The following ATXN2L variants were observed in gnomAD, a reference collection of about 807,000 sequenced individuals.
ATXN2L encodes ataxin 2 like.
Under a neutral mutation model 120.7 loss-of-function variants are expected in ATXN2L, and 24 were observed. That is an observed-to-expected ratio of 0.20 (90% confidence interval 0.14 to 0.28). The LOEUF is 0.28. ATXN2L is among the 10% of genes least tolerant of loss of function. ATXN2L has a pLI of 1.00. For missense variants in ATXN2L, 1,312 were observed against 1,432.3 expected, an observed-to-expected ratio of 0.92 and a Z score of 1.36; for synonymous variants, 653 against 568.1, an observed-to-expected ratio of 1.15 and a Z score of -2.13.
chr16:28,835,566 C>T lies in ATXN2L; in HGVS notation c.2703C>T (p.Ala901=), dbSNP rs376630340. 12 of 1,613,666 alleles carry T rather than the reference C, an allele frequency of 7.4e-6. No individual in the cohort carries two copies. In the African/African-American group the frequency reaches 1.1e-4, roughly 14 times the overall value. ...CCCAGCAGCATCAGGCGGGGCAGGCCCCACACTTGGGCAGTGGACAGCCAC... is the reference window on the plus strand; with the variant it reads ...CCCAGCAGCATCAGGCGGGGCAGGCTCCACACTTGGGCAGTGGACAGCCAC... ...PSPVQHQAGQ[A]PHLGSGQPQQ... Residue 901 remains alanine (A), a synonymous_variant, in exon 21 of 22, where the codon GCC becomes GCT. Coordinates refer to ENST00000336783, the MANE Select transcript of ATXN2L (RefSeq NM_007245.4).
Position 28,829,948 on chromosome 16 carries a change from G to T in ATXN2L, c.924G>T (p.Gln308His), listed in dbSNP as rs375741616. The T allele has an allele frequency of 4.3e-6, 7 of 1,614,222 alleles. No individual in the cohort carries two copies. The South Asian group carries it at 6.6e-5, about 15-fold the overall frequency. ...QLAREIESSP[Q>H]YRLRIAMEND... is the part of the protein sequence containing the mutation. ...CTCGAGAGATTGAATCAAGCCCCCAGTACCGCCTACGGATCGCCATGGAGA... is the reference window on the plus strand; with the variant it reads ...CTCGAGAGATTGAATCAAGCCCCCATTACCGCCTACGGATCGCCATGGAGA... The change falls in exon 8 of 22, where the codon CAG becomes CAT. Residue 308 changes from glutamine to histidine, a missense_variant. Physicochemically the swap from Gln to His is conservative, Grantham distance 24. Coordinates refer to ENST00000336783, the MANE Select transcript of ATXN2L (RefSeq NM_007245.4).
Position 28,836,245 on chromosome 16 carries a change from C to T in ATXN2L, c.3208C>T (p.Arg1070Trp), listed in dbSNP as rs748027494. The T allele has an allele frequency of 2.4e-5, 39 of 1,612,758 alleles. No individual in the cohort carries two copies. Among genetic ancestry groups the T allele is most frequent in the African/African-American group, 4.0e-5 (3 of 74,856 alleles). Residue 1070 changes from arginine to tryptophan, a missense_variant, in exon 22 of 22, where the codon CGG (arginine) becomes TGG (tryptophan). Arg to Trp is a moderately radical substitution (Grantham distance 101, BLOSUM62 -3). Coordinates refer to ENST00000336783, the MANE Select transcript of ATXN2L (RefSeq NM_007245.4). Reference protein sequence around the residue: ...AEGLQVGQDARVLGGE With the variant: ...AEGLQVGQDAWVLGGE ...GGGGCTGCAGGTGGGGCAGGATGCA[C>T]GGGTTCTGGGTGGGGAGTGAGGGGT...
chr16:28,836,932 C>T lies in ATXN2L; in HGVS notation c.*667C>T, dbSNP rs746416800. ...GCCAAGCACCTTGAATGGGAGGGGC[C>T]TCACAGAGGGCAGGGCCAGGGTCCA... On this transcript the variant is annotated 3_prime_UTR_variant, in exon 22 of 22. Transcript: ENST00000336783. The T allele has an allele frequency of 2.2e-5, 18 of 810,220 alleles. No individual in the cohort carries two copies. Among genetic ancestry groups the T allele is most frequent in the Admixed American group, 4.7e-5 (2 of 42,482 alleles). 50.2% of individuals were successfully genotyped at this position (810,220 alleles called of 1,614,324 possible).
chr16:28,824,101 C>T (rs1049567725), intron 1 of ATXN2L: 4 of 1,014,620 alleles, frequency 3.9e-6, no homozygotes, highest in Admixed American at 6.1e-5. Flanking sequence ...GGAGGGATGA[C>T]TGGGAGGACT....
In ATXN2L at chr16:28,836,426, C is replaced by T; in HGVS notation, c.*161C>T. 3.7e-6 allele frequency: 6 copies of T among 1,613,462 alleles called. No individual in the cohort carries two copies. The highest frequency in any genetic ancestry group is 5.1e-6 in the Non-Finnish European group (6 of 1,179,946). On this transcript the variant is annotated 3_prime_UTR_variant, in exon 22 of 22. Transcript: ENST00000336783. ...CCTCGCTCAGTTGTGATCCAGCAGCCCCCCTCCCCACTGCCTCCCCAGCTC... is the reference window on the plus strand; with the variant it reads ...CCTCGCTCAGTTGTGATCCAGCAGCTCCCCTCCCCACTGCCTCCCCAGCTC...
In ATXN2L at chr16:28,830,065, G is replaced by A; in HGVS notation, c.1034+7G>A. On this transcript the variant is annotated splice_region_variant and intron_variant, in intron 8 of 21. Coordinates refer to ENST00000336783, the MANE Select transcript of ATXN2L (RefSeq NM_007245.4). ...GCCCCAGCTTGGCATCCAGGTGACT[G>A]TTGCAAACAGCCAGGACTACTTGGG... 6.2e-7 allele frequency: 1 copy of A among 1,607,198 alleles called. No homozygotes were observed. The highest frequency in any genetic ancestry group is 2.2e-5 in the East Asian group (1 of 44,656).
At chr16:28,831,557 T>C (rs1474531073) in intron 10 of ATXN2L, among the ~76,000 whole-genome samples, 1 of 152,138 alleles carries the variant, frequency 6.6e-6, no homozygotes, top group Non-Finnish European at 1.5e-5. Flanking sequence ...CTCGAACTCC[T>C]GACCTTGTGA....
chr16:28,836,078 C>T lies in ATXN2L; in HGVS notation c.3041C>T (p.Ser1014Leu). The change falls in exon 22 of 22, where the codon TCA becomes TTA. Residue 1014 changes from serine to leucine, a missense_variant. Transcript: ENST00000336783. ...CCCCAGAGTGGGGTGCCTGCACTCT[C>T]AGCTTCCACACCCTCACCCTACCCC... ...AVPQSGVPAL[S>L]ASTPSPYPYI... 6.2e-7 allele frequency: 1 copy of T among 1,611,758 alleles called. No homozygotes were observed. Among genetic ancestry groups the T allele is most frequent in the Non-Finnish European group, 8.5e-7 (1 of 1,178,212 alleles).
rs538684542 is a variant in ATXN2L at position 28,826,078 on chromosome 16, G to C, written c.466-162G>C. 5.4e-6 allele frequency: 5 copies of C among 918,722 alleles called. No homozygotes were observed. In the East Asian group the frequency reaches 1.3e-4, roughly 24 times the overall value. The allele number at this position is 918,722 out of a possible 1,614,324, so 56.9% of individuals were successfully genotyped here. ...TGCTAAGTCCTGTGGCTGATGTTGAGAAAACAATGCACTTGGTTCCAAGCA... is the reference window on the plus strand; with the variant it reads ...TGCTAAGTCCTGTGGCTGATGTTGACAAAACAATGCACTTGGTTCCAAGCA... On this transcript the variant is annotated intron_variant, in intron 4 of 21. Transcript: ENST00000336783.
Position 28,834,127 on chromosome 16 carries a change from G to A in ATXN2L, c.2088G>A (p.Pro696=), listed in dbSNP as rs75127228. ...GGACTCATTCAACTCCCTCCATCCC[G>A]GTGCTGACAGCAGGCCAGAGTGGGC... ...GPRTHSTPSI[P]VLTAGQSGLY... Residue 696 remains proline (P), a synonymous_variant, in exon 16 of 22, where the codon CCG becomes CCA. Coordinates refer to ENST00000336783, the MANE Select transcript of ATXN2L (RefSeq NM_007245.4). The A allele has an allele frequency of 1.0e-2, 16,095 of 1,614,026 alleles. 1,376 individuals carry two copies. In the African/African-American group the frequency reaches 0.18, roughly 18 times the overall value.
In ATXN2L at chr16:28,825,814, G is replaced by C. The variant is rs140718642; in HGVS notation, c.438G>C (p.Glu146Asp). Residue 146 changes from glutamate to aspartate, a missense_variant, in exon 4 of 22, where the codon GAG becomes GAC. By Grantham distance (45) the Glu-to-Asp change is conservative. Transcript: ENST00000336783. The stretch of plus-strand genomic sequence containing the variant: ...AGGTGAAAAATGGTACCACTTATGA[G>C]GGTATCTTCAAGACGCTAAGCTCAA... ...DVKVKNGTTY[E>D]GIFKTLSSKF... The C allele has an allele frequency of 6.2e-7, 1 of 1,613,902 alleles. No individual in the cohort carries two copies. Among genetic ancestry groups the C allele is most frequent in the African/African-American group, 1.3e-5 (1 of 74,906 alleles).
Position 28,823,031 on chromosome 16 carries a change from C to T in ATXN2L, c.-229C>T. 1 of 277,444 alleles carries T rather than the reference C, an allele frequency of 3.6e-6. No homozygotes were observed. The highest frequency in any genetic ancestry group is 5.4e-5 in the Admixed American group (1 of 18,546). 17.2% of individuals were successfully genotyped at this position (277,444 alleles called of 1,614,324 possible). ...CGCACGCGCGCCAGCCCGGCTCGCGCCCTCTCGCTTTCCTCCAGCCGCGAG... is the reference window on the plus strand; with the variant it reads ...CGCACGCGCGCCAGCCCGGCTCGCGTCCTCTCGCTTTCCTCCAGCCGCGAG... On this transcript the variant is annotated 5_prime_UTR_variant, in exon 1 of 22. Transcript: ENST00000336783.
intron 5 of ATXN2L, 158 bp downstream of exon 5, chr16:28,826,548 G>A (rs959306388): frequency 2.5e-6 from 2 of 786,442 alleles, no homozygotes; most frequent in Non-Finnish European, 3.9e-6. Context: ...CGAAGTGGGT[G>A]GATTTTTCTT....
chr16:28,825,706 T>G (rs749645375), intron 3 of ATXN2L, 26 bp downstream of exon 3: 6 of 1,613,812 alleles, frequency 3.7e-6, no homozygotes, highest in African/African-American at 2.7e-5. Context: ...ACCCCCGGGT[T>G]GTTTAAGGAA....
intron 13 of ATXN2L, 21 bp downstream of exon 13, chr16:28,832,908 G>A: frequency 6.2e-7 from 1 of 1,613,636 alleles, no homozygotes; most frequent in Non-Finnish European, 8.5e-7. Flanking sequence ...AGTGAGCTGG[G>A]ATATTAGCAG....
At chr16:28,824,462 C>CG in intron 1 of ATXN2L, 1 of 1,287,556 alleles carries the variant, frequency 7.8e-7, no homozygotes, top group Non-Finnish European at 1.0e-6. Context: ...GCCCCGCCAG[C>CG]GGCCCCCTCT....
At chr16:28,830,101 A>G (rs1022387151) in intron 8 of ATXN2L, 43 bp downstream of exon 8, 6 of 1,565,288 alleles carry the variant, frequency 3.8e-6, no homozygotes, top group Middle Eastern at 3.6e-4. Flanking sequence ...GCTTCTGGGA[A>G]TATCCTGGGG....
At chr16:28,827,065 AG>A (rs2151963453) in intron 6 of ATXN2L, 79 bp downstream of exon 6, 1 of 1,310,976 alleles carries the variant, frequency 7.6e-7, no homozygotes, top group South Asian at 2.6e-5. Flanking sequence ...TTGAGTGGGG[AG>A]GGAAATATTT....
chr16:28,834,870 C>T (rs1213480859), intron 18 of ATXN2L, 177 bp downstream of exon 18: 4 of 1,137,886 alleles, frequency 3.5e-6, no homozygotes, highest in Non-Finnish European at 2.4e-6. Flanking sequence ...GTACCTGTAA[C>T]AAGGCATTGG....
Sources: allele counts gnomAD v4.1 joint callset (sites outside exome capture counted in the v4.1 genomes callset), GRCh38; gene constraint gnomAD v4.1.1; transcripts MANE v1.5; gene names NCBI Gene and HGNC (gene_info 2026-07-23, HGNC 2026-07-21).